Variants in ANKRD36C observed in about 807,000 individuals in gnomAD.
The protein encoded by ANKRD36C is ankyrin repeat domain-containing protein 36C.
ANKRD36C carries 61 observed loss-of-function variants against 276.4 expected under a neutral mutation model. The ratio of observed to expected loss-of-function variants is 0.22; its 90% CI spans 0.18 to 0.27. The LOEUF (loss-of-function observed/expected upper bound fraction) is 0.27. ANKRD36C is among the 10% of genes least tolerant of loss of function. The pLI is 1.00. For synonymous variants in ANKRD36C, 483 were observed against 680.1 expected, an observed-to-expected ratio of 0.71 and a Z score of 4.51; for missense variants, 1,447 against 2,032.3, an observed-to-expected ratio of 0.71 and a Z score of 5.54.
chr2:95,886,174 T>G (rs931675043), intron 51 of ANKRD36C, 42 bp downstream of exon 71: 21 of 1,538,300 alleles, frequency 1.4e-5, no homozygotes, highest in Non-Finnish European at 1.9e-5. Context: ...ATTCATAGAC[T>G]ATACAGTTAA....
chr2:95,984,424 C>T lies in ANKRD36C; in HGVS notation c.487-2062G>A, dbSNP rs768078793. Among the ~76,000 whole-genome samples the T allele has an allele frequency of 1.5e-4, 23 of 152,312 alleles. No homozygotes were observed. In the Middle Eastern group the frequency reaches 0.017, roughly 113 times the overall value. On this transcript the variant is annotated intron_variant, in intron 3 of 66. Transcript: ENST00000456556. ...TCTGTGCACGAGTCTCCTAAACTTTCCATGTTGAGACAATTTGTAGAGGCA... is the reference window on the plus strand; with the variant it reads ...TCTGTGCACGAGTCTCCTAAACTTTTCATGTTGAGACAATTTGTAGAGGCA...
At chr2:95,876,295 A>C (rs1675951872) in intron 59 of ANKRD36C, 144 bp downstream of exon 79, 1 of 708,140 alleles carries the variant, frequency 1.4e-6, no homozygotes, top group East Asian at 2.7e-5. Context: ...ATAACTAGTT[A>C]AATGTTTTTA....
chr2:95,985,368 T>C (rs1464427664), intron 3 of ANKRD36C, among the ~76,000 whole-genome samples: 1 of 152,178 alleles, frequency 6.6e-6, no homozygotes, highest in Non-Finnish European at 1.5e-5. Flanking sequence ...GTTTGAGATA[T>C]GGGAATTTAT....
At chr2:95,956,426 T>A (rs1231872916) in intron 13 of ANKRD36C, among the ~76,000 whole-genome samples, 3 of 152,234 alleles carry the variant, frequency 2.0e-5, no homozygotes, top group Non-Finnish European at 4.4e-5. Context: ...TCTGAATTGA[T>A]CTGAGTTACA....
intron 6 of ANKRD36C, among the ~76,000 whole-genome samples, chr2:95,977,307 A>G (rs1214442654): frequency 2.0e-5 from 3 of 152,150 alleles, no homozygotes. Context: ...CTTCTGCTTT[A>G]TATTTCTACT....
intron 6 of ANKRD36C, among the ~76,000 whole-genome samples, chr2:95,975,766 A>T (rs1678796882): frequency 6.6e-6 from 1 of 152,236 alleles, no homozygotes; most frequent in Non-Finnish European, 1.5e-5. Context: ...CAAAAGCCAA[A>T]TATGACACAT....
exon 28 of ANKRD36C, chr2:95,927,279 C>A: frequency 6.2e-7 from 1 of 1,609,976 alleles, no homozygotes; most frequent in South Asian, 1.1e-5. Flanking sequence ...TTTCTCATCA[C>A]TTGTAGCCTG....
In ANKRD36C at chr2:95,986,739, G is replaced by A. The variant is rs1260594303; in HGVS notation, c.486+12C>T. ...TTCAGATAGTTTGAAAATAACATTG[G>A]TTGACCTATACCTCGCTGCATTCTT... On this transcript the variant is annotated intron_variant, in intron 3 of 66. Transcript: ENST00000456556. The A allele has an allele frequency of 6.3e-7, 1 of 1,599,438 alleles. No homozygotes were observed. The highest frequency in any genetic ancestry group is 8.5e-7 in the Non-Finnish European group (1 of 1,172,242).
chr2:95,979,508 T>C (rs1459874297), intron 5 of ANKRD36C, among the ~76,000 whole-genome samples: 2 of 151,912 alleles, frequency 1.3e-5, no homozygotes, highest in Admixed American at 6.6e-5. Context: ...AAACTTGAGA[T>C]GGTGATGCAA....
intron 62 of ANKRD36C, 66 bp downstream of exon 82, chr2:95,857,243 A>C (rs1299294412): frequency 1.2e-5 from 18 of 1,559,432 alleles, no homozygotes; most frequent in Admixed American, 2.0e-5. Context: ...TACATTAAAC[A>C]AAAGAGATGG....
rs1459059049 is a variant in ANKRD36C at position 95,919,749 on chromosome 2, T to A, written c.2246-1707A>T. Reference sequence around the variant, plus strand: ...GCAAATTACCTGTCTCAGATTTTTCTCCATCCTTTATTTCTGTGGCTATAT... The same window carrying A: ...GCAAATTACCTGTCTCAGATTTTTCACCATCCTTTATTTCTGTGGCTATAT... On this transcript the variant is annotated intron_variant, in intron 34 of 66. Transcript: ENST00000456556. The A allele has an allele frequency of 2.9e-6, 4 of 1,384,376 alleles. 1 individual carries two copies. The African/African-American group carries it at 5.9e-5, about 20-fold the overall frequency. The allele number at this position is 1,384,376 out of a possible 1,614,324, so 85.8% of individuals were successfully genotyped here.
intron 26 of ANKRD36C, 79 bp downstream of exon 26, chr2:95,928,993 C>A: frequency 1.3e-6 from 2 of 1,587,912 alleles, no homozygotes; most frequent in Non-Finnish European, 1.7e-6. Flanking sequence ...TAGACGAACT[C>A]CCCACTGATT....
chr2:95,916,027 A>C, exon 38 of ANKRD36C: 1 of 1,572,568 alleles, frequency 6.4e-7, no homozygotes, highest in Non-Finnish European at 8.6e-7. Flanking sequence ...TATATTCGAA[A>C]AAGAATCTTT....
intron 46 of ANKRD36C, among the ~76,000 whole-genome samples, chr2:95,890,362 T>A (rs1573743037): frequency 6.6e-6 from 1 of 151,522 alleles, no homozygotes; most frequent in African/African-American, 2.4e-5. Context: ...ATCCCACATG[T>A]GTTTCATGTA....
chr2:95,949,800 T>G (rs1678149264), intron 16 of ANKRD36C, among the ~76,000 whole-genome samples: 1 of 152,198 alleles, frequency 6.6e-6, no homozygotes, highest in Non-Finnish European at 1.5e-5. Flanking sequence ...GAAGATATTT[T>G]GTTTAGTCTC....
At chr2:95,853,514 A>G (rs376550826) in intron 64 of ANKRD36C, 195 bp downstream of exon 84, 1 of 446,854 alleles carries the variant, frequency 2.2e-6, no homozygotes, top group South Asian at 4.0e-5. Context: ...ATATAGGTGC[A>G]TTATAATAAA....
chr2:95,874,376 A>C (rs958685565), intron 59 of ANKRD36C, among the ~76,000 whole-genome samples: 10 of 152,198 alleles, frequency 6.6e-5, no homozygotes, highest in African/African-American at 2.2e-4. Context: ...ATAACGCCGC[A>C]TATCTACAAC....
chr2:95,984,407 C>T (rs1260641228), intron 3 of ANKRD36C, among the ~76,000 whole-genome samples: 7 of 152,140 alleles, frequency 4.6e-5, no homozygotes, highest in Non-Finnish European at 5.9e-5. Flanking sequence ...GATCTGTGCA[C>T]GAGTCTCCTA....
At position 95,934,085 on chromosome 2, in the gene ANKRD36C, T is replaced by C. The variant is rs892542014; in HGVS notation, c.1735+1369A>G. 3.3e-5 allele frequency among the ~76,000 whole-genome samples: 5 copies of C among 152,288 alleles called. No individual in the cohort carries two copies. In the East Asian group the frequency reaches 9.7e-4, roughly 29 times the overall value. ...CTCATGCCAGTTAGAATGGTGATCATTAAAACCTCAGGAAACAACAGATGC... is the reference window on the plus strand; with the variant it reads ...CTCATGCCAGTTAGAATGGTGATCACTAAAACCTCAGGAAACAACAGATGC... On this transcript the variant is annotated intron_variant, in intron 24 of 66. Coordinates refer to ENST00000456556, the Ensembl canonical transcript of ANKRD36C.
Sources: allele counts gnomAD v4.1 joint callset (sites outside exome capture counted in the v4.1 genomes callset), GRCh38; gene constraint gnomAD v4.1.1; transcripts MANE v1.5; gene names NCBI Gene and HGNC (gene_info 2026-07-23, HGNC 2026-07-21).